TGM5: variants seen among roughly 807,000 people sequenced by gnomAD.
TGM5 encodes the protein protein-glutamine gamma-glutamyltransferase 5.
Under a neutral mutation model 77.2 loss-of-function variants are expected in TGM5, and 69 were observed. The observed-to-expected ratio is 0.89, with a 90% CI of 0.74 to 1.09. The LOEUF (loss-of-function observed/expected upper bound fraction) is 1.09, where lower values mean the gene tolerates loss of function less well. Ranked by LOEUF, TGM5 falls within the 50% of genes least tolerant of loss-of-function variation. The pLI is 0.00. For missense variants in TGM5, 842 were observed against 896.5 expected, an observed-to-expected ratio of 0.94 and a Z score of 0.78; for synonymous variants, 346 against 351.8, an observed-to-expected ratio of 0.98 and a Z score of 0.18.
At chr15:43,252,338 T>C (rs57970632) in intron 6 of TGM5, among the ~76,000 whole-genome samples, 4,705 of 152,210 alleles carry the variant, frequency 0.031, 246 homozygotes, top group African/African-American at 0.1. Context: ...TTTTTTGAGA[T>C]GGAGTCTCAC....
At chr15:43,246,455 G>A (rs1566832018) in intron 6 of TGM5, among the ~76,000 whole-genome samples, 1 of 152,178 alleles carries the variant, frequency 6.6e-6, no homozygotes, top group Non-Finnish European at 1.5e-5. Context: ...TTGATATTAT[G>A]TGAGCAGGAA....
chr15:43,256,599 C>G lies in TGM5; in HGVS notation c.524G>C (p.Trp175Ser). ...YGFIYQGSKN[W>S]IRPCPWNYGQ... The stretch of plus-strand genomic sequence containing the variant: ...ATAGTTCCAGGGACATGGGCGGATC[C>G]AGTTCTTGCTGCCTTGGTAGATGAA... Residue 175 changes from tryptophan to serine, a missense_variant, in exon 4 of 13, where the codon TGG becomes TCG. By Grantham distance (177) the Trp-to-Ser change is radical. Around this residue, in one of 2 missense-constraint regions of TGM5, gnomAD observed 815 missense variants for 844.6 expected, o/e 0.96. Coordinates refer to ENST00000220420, the MANE Select transcript of TGM5 (RefSeq NM_201631.4). The G allele has an allele frequency of 6.2e-7, 1 of 1,614,162 alleles. No homozygotes were observed. The highest frequency in any genetic ancestry group is 8.5e-7 in the Non-Finnish European group (1 of 1,180,010).
intron 1 of TGM5, among the ~76,000 whole-genome samples, chr15:43,263,958 T>C (rs906373285): frequency 6.6e-6 from 1 of 152,202 alleles, no homozygotes; most frequent in African/African-American, 2.4e-5. Context: ...AAAATTCATA[T>C]AACTCTACAA....
chr15:43,259,938 G>A, intron 3 of TGM5, 114 bp downstream of exon 3: 2 of 1,470,540 alleles, frequency 1.4e-6, no homozygotes. Flanking sequence ...TGAGTGCAGG[G>A]AATTGAGGAG....
chr15:43,257,905 A>T (rs1337371654), intron 3 of TGM5, among the ~76,000 whole-genome samples: 1 of 152,212 alleles, frequency 6.6e-6, no homozygotes, highest in Non-Finnish European at 1.5e-5. Context: ...GCCATAAAAA[A>T]TGATGAGTTC....
rs756698977 is a variant in TGM5, at chr15:43,260,203, A to G, written c.285T>C (p.Asn95=). ...AGCTCACCTCTGTGGAGGTGGCCCC[A>G]TTGGTCTCCAGCCAGGCAATCCAGG... The part of the protein sequence containing the change: ...PSPWIAWLET[N]GATSTEVSLC... The change falls in exon 3 of 13, where the codon AAT becomes AAC. Residue 95 remains asparagine, a synonymous_variant. Coordinates refer to ENST00000220420, the MANE Select transcript of TGM5 (RefSeq NM_201631.4). 9.3e-6 allele frequency: 15 copies of G among 1,613,954 alleles called. No homozygotes were observed. Among genetic ancestry groups the G allele is most frequent in the Non-Finnish European group, 1.3e-5 (15 of 1,179,994 alleles).
chr15:43,234,691 C>T, intron 11 of TGM5, 78 bp downstream of exon 11: 1 of 1,583,514 alleles, frequency 6.3e-7, no homozygotes, highest in Non-Finnish European at 8.7e-7. Context: ...CAGGCCCAGG[C>T]TGCCCTCTCA....
At chr15:43,262,073 G>A (rs761495825) in intron 1 of TGM5, among the ~76,000 whole-genome samples, 7 of 152,048 alleles carry the variant, frequency 4.6e-5, no homozygotes, top group Non-Finnish European at 1.0e-4. Flanking sequence ...CCCTGTTTTT[G>A]TATTTGCTGT....
Position 43,258,522 on chromosome 15 carries a change from G to A in TGM5, c.436+1530C>T, listed in dbSNP as rs2042760040. Among the ~76,000 whole-genome samples the A allele has an allele frequency of 2.0e-5, 3 of 152,256 alleles. No homozygotes were observed. The South Asian group carries it at 6.2e-4, about 31-fold the overall frequency. On this transcript the variant is annotated intron_variant, in intron 3 of 12. Transcript: ENST00000220420. ...CCCTGAGGGAAAGGTGCCCTCCTCA[G>A]AGGCAGCCTCAGACACAGCCTGATA...
At chr15:43,239,373 C>T (rs1416919087) in intron 7 of TGM5, 107 bp from the exon 8 acceptor site, 2 of 1,159,142 alleles carry the variant, frequency 1.7e-6, no homozygotes, top group African/African-American at 3.0e-5. Flanking sequence ...AGACTTAGCA[C>T]ACACAGGGCT....
At chr15:43,249,289 C>T (rs1405271140) in intron 6 of TGM5, among the ~76,000 whole-genome samples, 1 of 152,174 alleles carries the variant, frequency 6.6e-6, no homozygotes, top group Non-Finnish European at 1.5e-5. Flanking sequence ...ATTCACATAC[C>T]ATAAAGTTCA....
chr15:43,257,892 G>A (rs1334799012), intron 3 of TGM5, among the ~76,000 whole-genome samples: 1 of 152,118 alleles, frequency 6.6e-6, no homozygotes, highest in South Asian at 2.1e-4. Flanking sequence ...GGAATACTAT[G>A]CAGCCATAAA....
chr15:43,247,773 T>C (rs2042678506), intron 6 of TGM5: 1 of 152,202 alleles, frequency 6.6e-6, no homozygotes. Flanking sequence ...TTCACTTGAC[T>C]AGCCCTAAAA....
At chr15:43,261,068 G>GT (rs1566837407) in intron 1 of TGM5, among the ~76,000 whole-genome samples, 1 of 33,520 alleles carries the variant, frequency 3.0e-5, no homozygotes, top group African/African-American at 6.6e-5. Context: ...TCCTTTTTTT[G>GT]TGTGTGTGTT....
chr15:43,239,095 G>C (rs749396908), intron 8 of TGM5, 39 bp from the exon 9 acceptor site: 15 of 1,613,962 alleles, frequency 9.3e-6, no homozygotes, highest in Middle Eastern at 1.6e-4. Context: ...GCTGTTTGTT[G>C]CAGGGCTGGG....
At chr15:43,242,435 C>A (rs2042643125) in intron 6 of TGM5, among the ~76,000 whole-genome samples, 1 of 152,112 alleles carries the variant, frequency 6.6e-6, no homozygotes, top group Non-Finnish European at 1.5e-5. Context: ...GTGATAAATA[C>A]CTTTGTAGAT....
rs2042612573 is a variant in TGM5 at position 43,238,990 on chromosome 15, T to C, written c.1172A>G (p.Asp391Gly). The C allele has an allele frequency of 3.1e-6, 5 of 1,613,974 alleles. No homozygotes were observed. The highest frequency in any genetic ancestry group is 4.2e-6 in the Non-Finnish European group (5 of 1,180,032). Residue 391 changes from aspartate (D) to glycine (G), a missense_variant, in exon 9 of 13, where the codon GAC becomes GGC. Physicochemically the swap from Asp to Gly is moderately conservative, Grantham distance 94. Transcript: ENST00000220420. ...CACCATCGAAAACACAAAGGGCGTG[T>C]CATAGTTCAGGTCCACTTCTCCTTC... The part of the protein sequence containing the change: ...IKEGEVDLNY[D>G]TPFVFSMVNA...
chr15:43,251,992 G>T (rs940404810), intron 6 of TGM5, among the ~76,000 whole-genome samples: 1 of 152,188 alleles, frequency 6.6e-6, no homozygotes, highest in Non-Finnish European at 1.5e-5. Context: ...CCCTTGGGTT[G>T]CCATCTTGCT....
chr15:43,263,741 A>G (rs1357025062), intron 1 of TGM5, among the ~76,000 whole-genome samples: 1 of 152,254 alleles, frequency 6.6e-6, no homozygotes, highest in Non-Finnish European at 1.5e-5. Flanking sequence ...AGTCTTTGTG[A>G]TCTTAGACTA....
Sources: gnomAD v4.1 joint callset for allele counts (sites outside exome capture counted in the v4.1 genomes callset) on GRCh38, gnomAD v4.1.1 for gene constraint, gnomAD v4.1.1 regional missense constraint, MANE v1.5 for transcripts, NCBI Gene and HGNC (gene_info 2026-07-23, HGNC 2026-07-21) for gene names.